The following AUTS2 variants were observed in gnomAD, a reference collection of about 807,000 sequenced individuals.
AUTS2 encodes autism susceptibility gene 2 protein.
In AUTS2, 17 loss-of-function variants were observed where a neutral mutation model predicts 112.4. That is an observed-to-expected ratio of 0.15 (90% CI 0.10 to 0.23). AUTS2 has a LOEUF of 0.23. AUTS2 is among the 10% of genes least tolerant of loss of function. The pLI is 1.00. For missense variants in AUTS2, 1,510 were observed against 1,701.6 expected (o/e 0.89, Z 1.98); for synonymous variants, 751 against 702.7 (o/e 1.07, Z -1.09).
chr7:70,657,915 A>G (rs1300180529), intron 5 of AUTS2, among the ~76,000 whole-genome samples: 1 of 152,154 alleles, frequency 6.6e-6, no homozygotes, highest in East Asian at 1.9e-4. Flanking sequence ...GGGTTTTGCA[A>G]GTGACTCGTT....
rs142712896 is a variant in AUTS2 at position 69,900,855 on chromosome 7, T to C, written c.522+1357T>C. Among the ~76,000 whole-genome samples the C allele has an allele frequency of 2.1e-3, 322 of 152,328 alleles. 1 individual carries two copies. The highest frequency in any genetic ancestry group is 7.4e-3 in the African/African-American group (308 of 41,568). On this transcript the variant is annotated intron_variant, in intron 2 of 18. Transcript: ENST00000342771. Reference sequence around the variant, plus strand: ...GTCCTGAAACGCCAGACTGGAGTTATAATAGTAATTATTAACATTTACCTA... The same window carrying C: ...GTCCTGAAACGCCAGACTGGAGTTACAATAGTAATTATTAACATTTACCTA...
At chr7:70,727,443 G>A (rs547455337) in intron 6 of AUTS2, among the ~76,000 whole-genome samples, 2 of 152,188 alleles carry the variant, frequency 1.3e-5, no homozygotes, top group African/African-American at 4.8e-5. Flanking sequence ...TCTACCTCCT[G>A]GGTTCAAGTG....
intron 5 of AUTS2, among the ~76,000 whole-genome samples, chr7:70,536,204 A>G (rs879461021): frequency 1.3e-5 from 2 of 152,054 alleles, no homozygotes; most frequent in Admixed American, 6.5e-5. Context: ...CACAAGAATC[A>G]CTTGAACCAG....
chr7:70,713,167 C>G (rs577566667), intron 6 of AUTS2, among the ~76,000 whole-genome samples: 103 of 152,328 alleles, frequency 6.8e-4, no homozygotes, highest in Non-Finnish European at 1.2e-3. Context: ...ACAAACTGTT[C>G]CATCGAGTTC....
intron 1 of AUTS2, among the ~76,000 whole-genome samples, chr7:69,645,348 C>T (rs1794978414): frequency 6.6e-6 from 1 of 152,028 alleles, no homozygotes; most frequent in South Asian, 2.1e-4. Context: ...GAAGCAAATG[C>T]ATATCTGTAA....
chr7:70,266,207 C>A (rs556157324), intron 4 of AUTS2, among the ~76,000 whole-genome samples: 37 of 152,132 alleles, frequency 2.4e-4, no homozygotes, highest in Admixed American at 4.6e-4. Context: ...TATTATGTAG[C>A]CATAAGAAAG....
chr7:70,263,553 A>G (rs1296637224), intron 4 of AUTS2, among the ~76,000 whole-genome samples: 2 of 152,244 alleles, frequency 1.3e-5, no homozygotes, highest in Non-Finnish European at 2.9e-5. Context: ...TTCAAAATGA[A>G]TATGAAGCTC....
At chr7:70,220,268 A>C (rs1811405462) in intron 4 of AUTS2, among the ~76,000 whole-genome samples, 1 of 152,230 alleles carries the variant, frequency 6.6e-6, no homozygotes, top group Admixed American at 6.5e-5. Flanking sequence ...AAAAATATAA[A>C]AGCCATTCTT....
intron 4 of AUTS2, among the ~76,000 whole-genome samples, chr7:70,373,732 A>G (rs1388870121): frequency 6.6e-6 from 1 of 152,222 alleles, no homozygotes; most frequent in Non-Finnish European, 1.5e-5. Flanking sequence ...TGAGTAAATT[A>G]TATAAAATGT....
At chr7:69,855,438 A>G (rs967418287) in intron 1 of AUTS2, among the ~76,000 whole-genome samples, 4 of 152,182 alleles carry the variant, frequency 2.6e-5, no homozygotes, top group African/African-American at 9.7e-5. Context: ...GCCTTTTGTG[A>G]TTTAGCCTCC....
chr7:70,762,749 G>A, intron 6 of AUTS2, 121 bp from the exon 7 acceptor site: 1 of 767,106 alleles, frequency 1.3e-6, no homozygotes, highest in East Asian at 2.4e-5. Context: ...ACCCAAGCCA[G>A]GAGGGTTGGT....
chr7:69,628,919 A>G (rs1449280312), intron 1 of AUTS2, among the ~76,000 whole-genome samples: 1 of 152,182 alleles, frequency 6.6e-6, no homozygotes, highest in Non-Finnish European at 1.5e-5. Context: ...AGTGTTGCTG[A>G]AATCAAAAAG....
intron 2 of AUTS2, among the ~76,000 whole-genome samples, chr7:70,116,246 G>A (rs1805350561): frequency 1.3e-5 from 2 of 152,186 alleles, no homozygotes; most frequent in Non-Finnish European, 1.5e-5. Context: ...TTTGCAGAAG[G>A]CTTCCCGGAG....
chr7:70,785,352 T>C, intron 16 of AUTS2: 1 of 554,602 alleles, frequency 1.8e-6, no homozygotes, highest in Non-Finnish European at 3.4e-6. Context: ...AAGAAGATGG[T>C]GAGCTCTTGC....
intron 2 of AUTS2, among the ~76,000 whole-genome samples, chr7:69,939,791 A>G (rs769182922): frequency 2.0e-5 from 3 of 152,172 alleles, no homozygotes; most frequent in East Asian, 1.9e-4. Flanking sequence ...GTAAATGTCA[A>G]TTGATGATTG....
chr7:69,878,479 T>G (rs1663806269), intron 1 of AUTS2, among the ~76,000 whole-genome samples: 2 of 152,116 alleles, frequency 1.3e-5, no homozygotes, highest in African/African-American at 4.8e-5. Flanking sequence ...GCCTCCTTGT[T>G]TCATTGTCTC....
chr7:70,134,298 C>T (rs1045408287), intron 3 of AUTS2, among the ~76,000 whole-genome samples: 1 of 152,066 alleles, frequency 6.6e-6, no homozygotes, highest in Non-Finnish European at 1.5e-5. Flanking sequence ...TTACATCCAC[C>T]GCAGAAGCTT....
chr7:69,783,091 T>G (rs1328953078), intron 1 of AUTS2, among the ~76,000 whole-genome samples: 1 of 118,522 alleles, frequency 8.4e-6, no homozygotes, highest in Non-Finnish European at 1.7e-5. Context: ...TGCTCATCTT[T>G]TTTTTTTTTT....
chr7:69,830,576 G>T (rs1791455391), intron 1 of AUTS2, among the ~76,000 whole-genome samples: 1 of 152,104 alleles, frequency 6.6e-6, no homozygotes. Flanking sequence ...TTTAACAACA[G>T]TGAGTGATCT....
Sources: allele counts gnomAD v4.1 joint callset (sites outside exome capture counted in the v4.1 genomes callset), GRCh38; gene constraint gnomAD v4.1.1; transcripts MANE v1.5; gene names NCBI Gene and HGNC (gene_info 2026-07-23, HGNC 2026-07-21).